Variants in SMOC2 observed in about 807,000 individuals in gnomAD.
SMOC2 encodes the protein SPARC-related modular calcium-binding protein 2.
SMOC2 carries 39 observed loss-of-function variants against 61.4 expected under a neutral mutation model. That is an observed-to-expected ratio of 0.64 (90% confidence interval 0.49 to 0.83). The LOEUF is 0.83. Ranked by LOEUF, SMOC2 falls within the 40% of genes least tolerant of loss-of-function variation. The probability of loss-of-function intolerance (pLI) is 0.00; values close to 1 mark genes in which losing one functional copy is unlikely to be tolerated. For synonymous variants in SMOC2, 247 were observed against 239.9 expected, an observed-to-expected ratio of 1.03 and a Z score of -0.27; for missense variants, 556 against 592.9, an observed-to-expected ratio of 0.94 and a Z score of 0.65.
chr6:168,520,365 G>A lies in SMOC2; in HGVS notation c.257-5981G>A, dbSNP rs749275705. On this transcript the variant is annotated intron_variant, in intron 2 of 12. Coordinates refer to ENST00000356284, the MANE Select transcript of SMOC2 (RefSeq NM_001166412.2). Reference sequence around the variant, plus strand: ...TGCCACTCTGAGGGCTATCATTGCCGTGGCCACTACAAAGACACCATATGT... The same window carrying A: ...TGCCACTCTGAGGGCTATCATTGCCATGGCCACTACAAAGACACCATATGT... Among the ~76,000 whole-genome samples the A allele has an allele frequency of 3.3e-5, 5 of 152,158 alleles. No homozygotes were observed. In the South Asian group the frequency reaches 6.2e-4, roughly 19 times the overall value.
At chr6:168,636,212 A>G (rs1237229263) in intron 9 of SMOC2, among the ~76,000 whole-genome samples, 3 of 152,148 alleles carry the variant, frequency 2.0e-5, no homozygotes, top group Admixed American at 6.5e-5. Flanking sequence ...CCTGGGAGTC[A>G]TTTATCAGCT....
At chr6:168,639,932 G>C (rs1370436405) in intron 9 of SMOC2, among the ~76,000 whole-genome samples, 1 of 152,344 alleles carries the variant, frequency 6.6e-6, no homozygotes, top group Middle Eastern at 3.4e-3. Flanking sequence ...CTCGGTTCAT[G>C]TGCAGATCTC....
intron 5 of SMOC2, among the ~76,000 whole-genome samples, chr6:168,545,899 T>A (rs1401167097): frequency 6.6e-6 from 1 of 152,268 alleles, no homozygotes; most frequent in Non-Finnish European, 1.5e-5. Context: ...TTTCCCATTT[T>A]GTTTTATTTT....
At chr6:168,494,525 C>G (rs1782543779) in intron 1 of SMOC2, among the ~76,000 whole-genome samples, 1 of 152,242 alleles carries the variant, frequency 6.6e-6, no homozygotes, top group South Asian at 2.1e-4. Flanking sequence ...TGAACACACA[C>G]AGCAAACATT....
chr6:168,645,807 C>G (rs1302148929), intron 9 of SMOC2, among the ~76,000 whole-genome samples: 2 of 152,312 alleles, frequency 1.3e-5, no homozygotes, highest in East Asian at 3.9e-4. Context: ...TGACCTGTCC[C>G]CCTCACATCA....
chr6:168,605,429 A>G (rs1345770284), intron 8 of SMOC2, among the ~76,000 whole-genome samples: 1 of 152,172 alleles, frequency 6.6e-6, no homozygotes, highest in Non-Finnish European at 1.5e-5. Context: ...AAATAAACCT[A>G]TTGAAAAGAA....
At chr6:168,456,937 G>C (rs752888788) in intron 1 of SMOC2, among the ~76,000 whole-genome samples, 20 of 152,180 alleles carry the variant, frequency 1.3e-4, no homozygotes, top group Non-Finnish European at 2.6e-4. Flanking sequence ...GAGCTCAGGG[G>C]AAAAGCAACA....
intron 1 of SMOC2, among the ~76,000 whole-genome samples, chr6:168,447,605 G>C (rs1459938362): frequency 6.6e-6 from 1 of 152,144 alleles, no homozygotes; most frequent in South Asian, 2.1e-4. Context: ...GGGGGGAAAG[G>C]GGTAGGCAAA....
At chr6:168,615,283 T>TCTTCACACCTACAGCCAGCAC (rs1786042666) in intron 9 of SMOC2, among the ~76,000 whole-genome samples, 1 of 19,132 alleles carries the variant, frequency 5.2e-5, no homozygotes, top group African/African-American at 1.8e-4. Context: ...ACAGCCAGCA[T>TCTTCACACCTACAGCCAGCAC]GGGGCCTCTT....
intron 11 of SMOC2, among the ~76,000 whole-genome samples, chr6:168,657,297 T>C (rs1787348370): frequency 6.6e-6 from 1 of 152,242 alleles, no homozygotes; most frequent in East Asian, 1.9e-4. Flanking sequence ...GGCACTGCAG[T>C]CATCAGCACT....
intron 1 of SMOC2, among the ~76,000 whole-genome samples, chr6:168,448,586 G>A (rs1781388954): frequency 6.7e-6 from 1 of 149,028 alleles, no homozygotes; most frequent in Admixed American, 6.7e-5. Flanking sequence ...GAGGAGGATG[G>A]TGATGGGGAG....
chr6:168,644,197 G>A (rs929663730), intron 9 of SMOC2, among the ~76,000 whole-genome samples: 1 of 152,206 alleles, frequency 6.6e-6, no homozygotes, highest in Non-Finnish European at 1.5e-5. Context: ...GCTGCCAAGT[G>A]TGAGAGCACA....
intron 1 of SMOC2, among the ~76,000 whole-genome samples, chr6:168,486,336 A>G (rs1297045860): frequency 6.6e-6 from 1 of 152,078 alleles, no homozygotes; most frequent in Non-Finnish European, 1.5e-5. Context: ...TACTCACATC[A>G]TTTCCTTCTC....
At chr6:168,543,875 G>A (rs1417803511) in intron 5 of SMOC2, among the ~76,000 whole-genome samples, 2 of 152,144 alleles carry the variant, frequency 1.3e-5, no homozygotes, top group Non-Finnish European at 2.9e-5. Context: ...GGTCGCTGGT[G>A]TTGGACCTGT....
chr6:168,581,756 G>T (rs1006779205), intron 7 of SMOC2, among the ~76,000 whole-genome samples: 1 of 152,126 alleles, frequency 6.6e-6, no homozygotes, highest in African/African-American at 2.4e-5. Context: ...CTGAAAAGCC[G>T]CAGACCTGCC....
At chr6:168,599,943 CTCACACATCCACACTCACACACACAT>C (rs1232204231) in intron 8 of SMOC2, among the ~76,000 whole-genome samples, 2 of 151,478 alleles carry the variant, frequency 1.3e-5, no homozygotes, top group Non-Finnish European at 2.9e-5. Flanking sequence ...CACACCCACA[CTCACACATCCACACTCACACACACAT>C]ACTCTCCCCA....
chr6:168,664,338 C>T, intron 12 of SMOC2: 1 of 479,444 alleles, frequency 2.1e-6, no homozygotes, highest in Non-Finnish European at 3.7e-6. Context: ...ATTATTTGAA[C>T]TTTCATTTAT....
At chr6:168,636,690 T>C (rs2115254274) in intron 9 of SMOC2, among the ~76,000 whole-genome samples, 1 of 152,338 alleles carries the variant, frequency 6.6e-6, no homozygotes, top group African/African-American at 2.4e-5. Flanking sequence ...TCTCTGTCAC[T>C]GTGATCCTGA....
chr6:168,542,936 G>A (rs2115098556), intron 4 of SMOC2, among the ~76,000 whole-genome samples: 1 of 152,282 alleles, frequency 6.6e-6, no homozygotes, highest in Non-Finnish European at 1.5e-5. Context: ...GTATGGCTAT[G>A]GGAATTCCAC....
Sources: allele counts gnomAD v4.1 joint callset (sites outside exome capture counted in the v4.1 genomes callset), GRCh38; gene constraint gnomAD v4.1.1; transcripts MANE v1.5; gene names NCBI Gene and HGNC (gene_info 2026-07-23, HGNC 2026-07-21).